NR3C2: variants seen among roughly 807,000 people sequenced by gnomAD.
The protein encoded by NR3C2 is nuclear receptor subfamily 3 group C member 2.
A neutral mutation model predicts 86.4 loss-of-function variants in NR3C2; 15 were observed. The observed-to-expected ratio is 0.17, with a 90% CI of 0.12 to 0.27. The LOEUF is 0.27. Among genes scored for constraint, NR3C2 ranks in the 10% least tolerant of loss-of-function variants. NR3C2 has a pLI of 1.00. For synonymous variants in NR3C2, 458 were observed against 450.5 expected, an observed-to-expected ratio of 1.02 and a Z score of -0.21; for missense variants, 960 against 1,195.6, an observed-to-expected ratio of 0.80 and a Z score of 2.91.
intron 4 of NR3C2, among the ~76,000 whole-genome samples, chr4:148,193,392 A>G (rs1238410617): frequency 6.6e-6 from 1 of 152,056 alleles, no homozygotes; most frequent in Non-Finnish European, 1.5e-5. Flanking sequence ...TCCTCTCGGG[A>G]TTGCTGGTTT....
intron 2 of NR3C2, among the ~76,000 whole-genome samples, chr4:148,402,989 A>G (rs1220831693): frequency 4.6e-5 from 7 of 152,208 alleles, no homozygotes; most frequent in African/African-American, 1.7e-4. Context: ...TTTTTAGTTT[A>G]CATAAAATTC....
At chr4:148,180,732 T>C (rs930346351) in intron 4 of NR3C2, among the ~76,000 whole-genome samples, 1 of 152,210 alleles carries the variant, frequency 6.6e-6, no homozygotes, top group African/African-American at 2.4e-5. Flanking sequence ...TTTTGTATTA[T>C]TAGTTTCTTT....
At chr4:148,364,814 GTT>G (rs11330551) in intron 2 of NR3C2, among the ~76,000 whole-genome samples, 109 of 139,686 alleles carry the variant, frequency 7.8e-4, no homozygotes, top group East Asian at 1.3e-3. Flanking sequence ...TTGGCTTTGG[GTT>G]TTTTTTTTTT....
At chr4:148,249,246 G>T (rs11936509) in intron 3 of NR3C2, among the ~76,000 whole-genome samples, 1,852 of 151,172 alleles carry the variant, frequency 0.012, 43 homozygotes, top group African/African-American at 0.043. Flanking sequence ...AATTGAAGAA[G>T]AAAATAAAAT....
intron 3 of NR3C2, among the ~76,000 whole-genome samples, chr4:148,222,299 A>C (rs1737901246): frequency 6.6e-6 from 1 of 152,194 alleles, no homozygotes; most frequent in African/African-American, 2.4e-5. Flanking sequence ...CAGCATGAAA[A>C]ATTAAAATCC....
intron 8 of NR3C2, among the ~76,000 whole-genome samples, chr4:148,081,822 C>G (rs1730575778): frequency 6.6e-6 from 1 of 152,218 alleles, no homozygotes; most frequent in African/African-American, 2.4e-5. Context: ...ATTCTAATTT[C>G]TAAATGTGTG....
At chr4:148,157,340 A>G (rs1734446659) in intron 4 of NR3C2, among the ~76,000 whole-genome samples, 2 of 152,156 alleles carry the variant, frequency 1.3e-5, no homozygotes, top group Admixed American at 1.3e-4. Flanking sequence ...AATTTATTGA[A>G]TGCTTACTAA....
intron 3 of NR3C2, among the ~76,000 whole-genome samples, chr4:148,199,593 C>A (rs906247270): frequency 6.6e-6 from 1 of 152,074 alleles, no homozygotes. Flanking sequence ...GAAAACTGTA[C>A]CCCTGCAGAC....
At chr4:148,392,771 T>C (rs1579244277) in intron 2 of NR3C2, among the ~76,000 whole-genome samples, 1 of 152,360 alleles carries the variant, frequency 6.6e-6, no homozygotes, top group East Asian at 1.9e-4. Flanking sequence ...CAGAAGCTGC[T>C]TTCTGAGACA....
At chr4:148,287,134 CTA>C (rs1741564043) in intron 2 of NR3C2, among the ~76,000 whole-genome samples, 2 of 152,230 alleles carry the variant, frequency 1.3e-5, no homozygotes, top group South Asian at 4.1e-4. Context: ...GAATTATTAG[CTA>C]TGCATGGAAA....
chr4:148,353,328 T>C (rs575627443), intron 2 of NR3C2, among the ~76,000 whole-genome samples: 1 of 152,246 alleles, frequency 6.6e-6, no homozygotes, highest in South Asian at 2.1e-4. Context: ...ATTTTTAAAT[T>C]ATGGAAATCC....
chr4:148,352,578 G>C (rs763090271), intron 2 of NR3C2, among the ~76,000 whole-genome samples: 1 of 152,130 alleles, frequency 6.6e-6, no homozygotes, highest in Non-Finnish European at 1.5e-5. Context: ...GGCAACAGCA[G>C]GGTGTTGGGA....
chr4:148,172,023 G>A (rs1735151449), intron 4 of NR3C2, among the ~76,000 whole-genome samples: 1 of 152,036 alleles, frequency 6.6e-6, no homozygotes, highest in Non-Finnish European at 1.5e-5. Context: ...ACTGCACTAA[G>A]CTCCTCAACT....
In NR3C2 at chr4:148,172,169, C is replaced by A. The variant is rs530504461; in HGVS notation, c.2015-17268G>T. Among the ~76,000 whole-genome samples, 7 of 152,120 alleles carry A rather than the reference C, an allele frequency of 4.6e-5. 1 individual carries two copies. In the South Asian group the frequency reaches 1.5e-3, roughly 32 times the overall value. ...GTCCCTCCTTTACTGTAAGTCAACT[C>A]ATCCTAATTTTCTTTTACCTTAAAC... On this transcript the variant is annotated intron_variant, in intron 4 of 8. Transcript: ENST00000358102.
At chr4:148,444,786 C>T (rs1440300566), upstream of NR3C2, 3 of 984,926 alleles carry the variant, frequency 3.0e-6, no homozygotes, top group Non-Finnish European at 3.6e-6. Flanking sequence ...CCAGCGGCGG[C>T]GGCCGGGCCT....
chr4:148,112,994 T>C (rs1361534117), intron 8 of NR3C2, among the ~76,000 whole-genome samples: 5 of 152,174 alleles, frequency 3.3e-5, no homozygotes, highest in Non-Finnish European at 7.3e-5. Context: ...ACTTCACAAA[T>C]ATGAAGAACT....
chr4:148,130,065 A>G (rs1002060314), intron 6 of NR3C2, among the ~76,000 whole-genome samples: 5 of 152,168 alleles, frequency 3.3e-5, no homozygotes, highest in African/African-American at 1.2e-4. Context: ...GTTTTACCGT[A>G]TCTGTGTTTT....
At chr4:148,158,925 A>T (rs1734528396) in intron 4 of NR3C2, among the ~76,000 whole-genome samples, 2 of 152,230 alleles carry the variant, frequency 1.3e-5, no homozygotes, top group Admixed American at 1.3e-4. Flanking sequence ...GGAATTGAGT[A>T]ATAATGCATA....
intron 2 of NR3C2, among the ~76,000 whole-genome samples, chr4:148,422,139 A>G (rs917893595): frequency 2.6e-5 from 4 of 152,186 alleles, no homozygotes; most frequent in East Asian, 1.9e-4. Context: ...TAAGAGGGGG[A>G]AAAATGCTAT....
Sources: allele counts gnomAD v4.1 joint callset (sites outside exome capture counted in the v4.1 genomes callset), GRCh38; gene constraint gnomAD v4.1.1; transcripts MANE v1.5; gene names NCBI Gene and HGNC (gene_info 2026-07-23, HGNC 2026-07-21).